Variants in KCNT2 observed in about 807,000 individuals in gnomAD.
KCNT2 encodes potassium sodium-activated channel subfamily T member 2.
A neutral mutation model predicts 153.8 loss-of-function variants in KCNT2; 67 were observed. The observed-to-expected ratio is 0.44, with a 90% CI of 0.36 to 0.53. The LOEUF (loss-of-function observed/expected upper bound fraction) is 0.53, where lower values mean the gene tolerates loss of function less well. KCNT2 is among the 20% of genes least tolerant of loss of function. The probability of loss-of-function intolerance (pLI) is 0.00; values close to 1 mark genes in which losing one functional copy is unlikely to be tolerated. For synonymous variants in KCNT2, 500 were observed against 458.8 expected, an observed-to-expected ratio of 1.09 and a Z score of -1.15; for missense variants, 975 against 1,354.8, an observed-to-expected ratio of 0.72 and a Z score of 4.40.
chr1:196,564,468 T>C (rs1572844234), intron 1 of KCNT2, among the ~76,000 whole-genome samples: 2 of 151,808 alleles, frequency 1.3e-5, no homozygotes, highest in African/African-American at 4.8e-5. Context: ...AAAATTCTAA[T>C]GACATTATTC....
chr1:196,290,762 C>T (rs1660117965), intron 22 of KCNT2, among the ~76,000 whole-genome samples: 1 of 151,982 alleles, frequency 6.6e-6, no homozygotes, highest in East Asian at 1.9e-4. Context: ...CCTAACAGTC[C>T]TAGACCAGGT....
In KCNT2 at chr1:196,552,567, GATCATCTGAAGGT is replaced by G. The variant is rs1285229620; in HGVS notation, c.95+55635_95+55647del. ...GAAAGGATGTTAATAAGCAAGAAAA[GATCATCTGAAGGT>G]ATAAAACTCACTGGAAATAGTAAGT... On this transcript the variant is annotated intron_variant, in intron 1 of 27. Transcript: ENST00000294725. 4.8e-4 allele frequency among the ~76,000 whole-genome samples: 72 copies of G among 151,454 alleles called. 1 individual carries two copies. The highest frequency in any genetic ancestry group is 1.6e-3 in the African/African-American group (66 of 41,462).
chr1:196,423,157 C>T (rs777223732), intron 11 of KCNT2, 44 bp from the exon 12 acceptor site: 47 of 1,290,942 alleles, frequency 3.6e-5, no homozygotes, highest in Non-Finnish European at 4.6e-5. Flanking sequence ...ACTGAAATAT[C>T]TACAGGTTTT....
intron 21 of KCNT2, among the ~76,000 whole-genome samples, chr1:196,314,436 A>G (rs937829939): frequency 1.3e-5 from 2 of 151,646 alleles, no homozygotes; most frequent in Non-Finnish European, 3.0e-5. Context: ...CAAGTTCTAT[A>G]TAGTGTCTTT....
intron 14 of KCNT2, among the ~76,000 whole-genome samples, chr1:196,346,440 C>G (rs558001338): frequency 6.6e-6 from 1 of 152,112 alleles, no homozygotes; most frequent in Non-Finnish European, 1.5e-5. Flanking sequence ...TTATCAAACA[C>G]CAAATTCCTA....
intron 1 of KCNT2, among the ~76,000 whole-genome samples, chr1:196,532,223 G>A (rs1006355484): frequency 6.6e-6 from 1 of 152,124 alleles, no homozygotes. Flanking sequence ...AACAGTACAT[G>A]CTGCCAGGAA....
At position 196,401,823 on chromosome 1, in the gene KCNT2, A is replaced by G. The variant is rs150638660; in HGVS notation, c.1186-3152T>C. On this transcript the variant is annotated intron_variant, in intron 12 of 27. Transcript: ENST00000294725. ...TTAATTTTGTAGAAGACATACACTT[A>G]TAAGTTCAAGAAAATTAGCAAAATC... is the stretch of plus-strand genomic sequence containing the variant. Among the ~76,000 whole-genome samples, 21 of 151,840 alleles carry G rather than the reference A, an allele frequency of 1.4e-4. No homozygotes were observed. The East Asian group carries it at 4.1e-3, about 30-fold the overall frequency.
At chr1:196,311,402 T>C (rs976336452) in intron 21 of KCNT2, among the ~76,000 whole-genome samples, 4 of 151,876 alleles carry the variant, frequency 2.6e-5, no homozygotes, top group African/African-American at 9.7e-5. Context: ...TGTCCTACTA[T>C]AGATCTAATG....
intron 8 of KCNT2, among the ~76,000 whole-genome samples, chr1:196,464,403 G>A (rs1345490789): frequency 1.3e-5 from 2 of 151,830 alleles, no homozygotes; most frequent in African/African-American, 4.8e-5. Flanking sequence ...ATTTCGTAGA[G>A]TTACTAACCA....
At chr1:196,386,367 C>A (rs1391307252) in intron 13 of KCNT2, among the ~76,000 whole-genome samples, 5 of 152,072 alleles carry the variant, frequency 3.3e-5, no homozygotes, top group African/African-American at 9.7e-5. Flanking sequence ...GATAGTTATG[C>A]AGCAATATGT....
At chr1:196,358,591 G>C (rs1667366919) in intron 14 of KCNT2, among the ~76,000 whole-genome samples, 1 of 151,712 alleles carries the variant, frequency 6.6e-6, no homozygotes, top group Admixed American at 6.6e-5. Flanking sequence ...ATACATGCTT[G>C]AATCTCTTTT....
At chr1:196,510,002 T>C (rs973252796) in intron 1 of KCNT2, among the ~76,000 whole-genome samples, 1 of 152,096 alleles carries the variant, frequency 6.6e-6, no homozygotes, top group African/African-American at 2.4e-5. Context: ...TAGAATATGA[T>C]TGGCAAGGTT....
intron 22 of KCNT2, among the ~76,000 whole-genome samples, chr1:196,289,300 C>A (rs1211720717): frequency 6.6e-6 from 1 of 151,924 alleles, no homozygotes; most frequent in Non-Finnish European, 1.5e-5. Context: ...TTGAATATAA[C>A]CTGTTAAAAC....
intron 13 of KCNT2, among the ~76,000 whole-genome samples, chr1:196,397,161 C>T (rs908589064): frequency 6.6e-6 from 1 of 151,330 alleles, no homozygotes; most frequent in African/African-American, 2.4e-5. Context: ...AGTGGTGGCA[C>T]TCAAATTTAA....
Position 196,505,993 on chromosome 1 carries a change from T to C in KCNT2, c.96-13652A>G, listed in dbSNP as rs539983159. ...TTAAGGAGATTTTGGGCTGAGACAA[T>C]GGGGTTTTCTAGATATACAATCATG... On this transcript the variant is annotated intron_variant, in intron 1 of 27. Transcript: ENST00000294725. Among the ~76,000 whole-genome samples, 9 of 152,268 alleles carry C rather than the reference T, an allele frequency of 5.9e-5. No individual in the cohort carries two copies. The South Asian group carries it at 1.9e-3, about 32-fold the overall frequency.
At chr1:196,576,768 G>A (rs1661430927) in intron 1 of KCNT2, among the ~76,000 whole-genome samples, 2 of 151,980 alleles carry the variant, frequency 1.3e-5, no homozygotes, top group Admixed American at 1.3e-4. Flanking sequence ...ATGTCACTAG[G>A]CAGTGTTGGT....
At chr1:196,242,272 G>T (rs1450952755) in intron 26 of KCNT2, among the ~76,000 whole-genome samples, 1 of 152,000 alleles carries the variant, frequency 6.6e-6, no homozygotes, top group Non-Finnish European at 1.5e-5. Flanking sequence ...GGTTTTATAT[G>T]TGTTCAGGTG....
chr1:196,267,605 A>G (rs1312159274), intron 25 of KCNT2, among the ~76,000 whole-genome samples: 2 of 152,206 alleles, frequency 1.3e-5, no homozygotes, highest in African/African-American at 2.4e-5. Flanking sequence ...TGCCTCCTGC[A>G]TCAACCACAG....
chr1:196,354,657 A>G (rs919306382), intron 14 of KCNT2, among the ~76,000 whole-genome samples: 21 of 151,740 alleles, frequency 1.4e-4, no homozygotes, highest in African/African-American at 5.1e-4. Flanking sequence ...TTGATATTCT[A>G]TTTTGAAGAA....
Sources: gnomAD v4.1 joint callset for allele counts (sites outside exome capture counted in the v4.1 genomes callset) on GRCh38, gnomAD v4.1.1 for gene constraint, MANE v1.5 for transcripts, NCBI Gene and HGNC (gene_info 2026-07-23, HGNC 2026-07-21) for gene names.